The following MRPL50 variants were observed in gnomAD, a reference collection of about 807,000 sequenced individuals.
MRPL50 encodes mitochondrial ribosomal protein L50.
Under a neutral mutation model 16.2 loss-of-function variants are expected in MRPL50, and 10 were observed. The ratio of observed to expected loss-of-function variants is 0.62; its 90% CI spans 0.38 to 1.05. The LOEUF (loss-of-function observed/expected upper bound fraction) is 1.05, where lower values mean the gene tolerates loss of function less well. Ranked by LOEUF, MRPL50 falls within the 50% of genes least tolerant of loss-of-function variation. The pLI is 0.01. For synonymous variants in MRPL50, 68 were observed against 66.8 expected (o/e 1.02, Z -0.09); for missense variants, 213 against 187.1 (o/e 1.14, Z -0.81).
Position 101,389,872 on chromosome 9 carries a change from A to C in MRPL50, c.*594T>G, listed in dbSNP as rs1830246460. ...AGAGTCACAGCACTCAATATTTGGCATATATTCTAATTTTTTCAAAATTAT... is the reference window on the plus strand; with the variant it reads ...AGAGTCACAGCACTCAATATTTGGCCTATATTCTAATTTTTTCAAAATTAT... On this transcript the variant is annotated 3_prime_UTR_variant, in exon 2 of 2. Transcript: ENST00000374865. 1 of 382,938 alleles carries C rather than the reference A, an allele frequency of 2.6e-6. No individual in the cohort carries two copies. Among genetic ancestry groups the C allele is most frequent in the African/African-American group, 2.2e-5 (1 of 45,546 alleles). The allele number at this position is 382,938 out of a possible 1,614,324, so 23.7% of individuals were successfully genotyped here. A position where few individuals can be genotyped will look rare whatever the true frequency, so the allele number is the denominator to read the frequency against.
chr9:101,397,776 C>T (rs1830378263), intron 1 of MRPL50, among the ~76,000 whole-genome samples: 1 of 152,262 alleles, frequency 6.6e-6, no homozygotes, highest in South Asian at 2.1e-4. Context: ...TACATTGCTC[C>T]CTAGGGTTCC....
rs1830243558 is a variant in MRPL50 at position 101,389,644 on chromosome 9, C to T, written c.*822G>A. ...GAAAAAAAAATCCCAAATTTAACAC[C>T]TTTGTCATTCAGAACCATCTGATAA... On this transcript the variant is annotated 3_prime_UTR_variant, in exon 2 of 2. Transcript: ENST00000374865. 1 of 359,528 alleles carries T rather than the reference C, an allele frequency of 2.8e-6. No individual in the cohort carries two copies. Among genetic ancestry groups the T allele is most frequent in the Admixed American group, 4.8e-5 (1 of 20,678 alleles). 22.3% of individuals were successfully genotyped at this position (359,528 alleles called of 1,614,324 possible).
chr9:101,398,094 C>G (rs1054339137), intron 1 of MRPL50, among the ~76,000 whole-genome samples: 1 of 152,110 alleles, frequency 6.6e-6, no homozygotes, highest in Admixed American at 6.5e-5. Context: ...AATGAATGAA[C>G]AAACAAAAGG....
intron 1 of MRPL50, among the ~76,000 whole-genome samples, chr9:101,391,303 T>C (rs1830266935): frequency 6.6e-6 from 1 of 152,104 alleles, no homozygotes; most frequent in African/African-American, 2.4e-5. Context: ...TATGGAAATC[T>C]TGCTTATTCT....
At chr9:101,391,420 CAG>C (rs1160966288) in intron 1 of MRPL50, among the ~76,000 whole-genome samples, 4 of 152,058 alleles carry the variant, frequency 2.6e-5, no homozygotes, top group African/African-American at 9.7e-5. Flanking sequence ...ATACTGCTCT[CAG>C]AGTGTATCAC....
intron 1 of MRPL50, among the ~76,000 whole-genome samples, chr9:101,396,728 G>T (rs904713954): frequency 2.6e-5 from 4 of 152,108 alleles, no homozygotes; most frequent in Admixed American, 2.6e-4. Context: ...TGGATCATGA[G>T]GTCAAGAGAT....
rs1339454394 is a variant in MRPL50 at position 101,390,703 on chromosome 9, T to C, written c.240A>G (p.Ser80=). ...TGTCTTGCCAATTACTAGGAAGAGA[T>C]GAACCAAAAACTTCTTTAACGTAAG... is the stretch of plus-strand genomic sequence containing the variant. ...LESYVKEVFG[S]SLPSNWQDIS... is the part of the protein sequence containing the mutation. The change falls in exon 2 of 2, where the codon TCA becomes TCG. Residue 80 remains serine (S), a synonymous_variant. Coordinates refer to ENST00000374865, the MANE Select transcript of MRPL50 (RefSeq NM_019051.3). The C allele has an allele frequency of 8.1e-6, 13 of 1,613,130 alleles. No individual in the cohort carries two copies. Among genetic ancestry groups the C allele is most frequent in the African/African-American group, 1.3e-5 (1 of 74,872 alleles).
chr9:101,391,829 T>A (rs147821472), intron 1 of MRPL50, among the ~76,000 whole-genome samples: 3 of 152,142 alleles, frequency 2.0e-5, no homozygotes, highest in East Asian at 3.9e-4. Context: ...CCAAATGGAC[T>A]TGACACTTAG....
At chr9:101,398,431 A>G in intron 1 of MRPL50, 70 bp downstream of exon 1, 2 of 1,437,214 alleles carry the variant, frequency 1.4e-6, no homozygotes, top group Non-Finnish European at 9.8e-7. Context: ...GTAACACTCT[A>G]TTTTGAATTC....
At position 101,388,751 on chromosome 9, in the gene MRPL50, T is replaced by C. The variant is rs1324610667; in HGVS notation, c.*1715A>G. 6.6e-6 allele frequency: 1 copy of C among 152,112 alleles called. No homozygotes were observed. Among genetic ancestry groups the C allele is most frequent in the African/African-American group, 2.4e-5 (1 of 41,418 alleles). The allele number at this position is 152,112 out of a possible 1,614,324, so 9.4% of individuals were successfully genotyped here. A position where few individuals can be genotyped will look rare whatever the true frequency, so the allele number is the denominator to read the frequency against. On this transcript the variant is annotated 3_prime_UTR_variant, in exon 2 of 2. Coordinates refer to ENST00000374865, the MANE Select transcript of MRPL50 (RefSeq NM_019051.3). Reference sequence around the variant, plus strand: ...ATTTACCAAGACTGTGTGTTCCCCATCTGTGGATTCAACCAATTGTGGATC... The same window carrying C: ...ATTTACCAAGACTGTGTGTTCCCCACCTGTGGATTCAACCAATTGTGGATC...
chr9:101,394,310 C>G (rs996240608), intron 1 of MRPL50, among the ~76,000 whole-genome samples: 5 of 152,168 alleles, frequency 3.3e-5, no homozygotes, highest in Non-Finnish European at 5.9e-5. Flanking sequence ...TTGTAAAATT[C>G]AAGGTCAGTG....
Position 101,390,855 on chromosome 9 carries a change from A to T in MRPL50, c.93-5T>A, listed in dbSNP as rs1830262159. 6.3e-7 allele frequency: 1 copy of T among 1,576,266 alleles called. No homozygotes were observed. The highest frequency in any genetic ancestry group is 8.6e-7 in the Non-Finnish European group (1 of 1,166,044). ...ACCACTGGCTCTTTCTCTTTTCTGG[A>T]ATGATCAAAAACAAACAGACAAATC... On this transcript the variant is annotated splice_polypyrimidine_tract_variant and splice_region_variant and intron_variant, in intron 1 of 1. Transcript: ENST00000374865.
In MRPL50 at chr9:101,389,471, T is replaced by G; in HGVS notation, c.*995A>C. ...TTATATTCCCAACTGAATTTTGCCC[T>G]CTTCAAAGGAGTAACCCTGGGAAAG... On this transcript the variant is annotated 3_prime_UTR_variant, in exon 2 of 2. Coordinates refer to ENST00000374865, the MANE Select transcript of MRPL50 (RefSeq NM_019051.3). 1 of 1,287,538 alleles carries G rather than the reference T, an allele frequency of 7.8e-7. No individual in the cohort carries two copies. The highest frequency in any genetic ancestry group is 1.0e-6 in the Non-Finnish European group (1 of 987,560). 79.8% of individuals were successfully genotyped at this position (1,287,538 alleles called of 1,614,324 possible). A position where few individuals can be genotyped will look rare whatever the true frequency, so the allele number is the denominator to read the frequency against.
intron 1 of MRPL50, among the ~76,000 whole-genome samples, chr9:101,392,231 A>G (rs1830282892): frequency 6.6e-6 from 1 of 152,048 alleles, no homozygotes; most frequent in Non-Finnish European, 1.5e-5. Flanking sequence ...CACATAAACA[A>G]TCTAAAGATG....
At chr9:101,390,908 C>A in intron 1 of MRPL50, 58 bp from the exon 2 acceptor site, 1 of 1,509,216 alleles carries the variant, frequency 6.6e-7, no homozygotes, top group South Asian at 1.3e-5. Flanking sequence ...AACACCAGAC[C>A]AAATCTTGCC....
In MRPL50 at chr9:101,390,724, G is replaced by A. The variant is rs199503905; in HGVS notation, c.219C>T (p.Tyr73=). Residue 73 remains tyrosine (Y), a synonymous_variant, in exon 2 of 2, where the codon TAC becomes TAT. Transcript: ENST00000374865. ...GAGATGAACCAAAAACTTCTTTAAC[G>A]TAAGATTCCAAACGACTCTGGAGAT... ...PEDLQSRLES[Y]VKEVFGSSLP... is the part of the protein sequence containing the mutation. 3.1e-5 allele frequency: 41 copies of A among 1,322,576 alleles called. No homozygotes were observed. Among genetic ancestry groups the A allele is most frequent in the East Asian group, 1.6e-4 (5 of 31,420 alleles). The allele number at this position is 1,322,576 out of a possible 1,614,324, so 81.9% of individuals were successfully genotyped here.
chr9:101,398,562 T>C lies in MRPL50; in HGVS notation c.31A>G (p.Arg11Gly), dbSNP rs765492196. ...GAGACTGTCCACATGAAGACTCTTC[T>C]GGTAATGCCCGACACAGATCGCGCC... is the stretch of plus-strand genomic sequence containing the variant. MAARSVSGIT[R>G]RVFMWTVSGT... Residue 11 changes from arginine (R) to glycine (G), a missense_variant, in exon 1 of 2, where the codon AGA becomes GGA. By Grantham distance (125) the Arg-to-Gly change is moderately radical (BLOSUM62 -2). Coordinates refer to ENST00000374865, the MANE Select transcript of MRPL50 (RefSeq NM_019051.3). The C allele has an allele frequency of 3.2e-5, 51 of 1,613,944 alleles. No homozygotes were observed. In the South Asian group the frequency reaches 4.4e-4, roughly 14 times the overall value.
In MRPL50 at chr9:101,390,310, T is replaced by C; in HGVS notation, c.*156A>G. On this transcript the variant is annotated 3_prime_UTR_variant, in exon 2 of 2. Transcript: ENST00000374865. ...GTCCGTTATTTGTCCATTTGTAATA[T>C]GAGAAAAAAAAAGATGATACATTCC... 1.5e-6 allele frequency: 2 copies of C among 1,338,738 alleles called. No individual in the cohort carries two copies. The highest frequency in any genetic ancestry group is 2.3e-5 in the South Asian group (1 of 43,800). The allele number at this position is 1,338,738 out of a possible 1,614,324, so 82.9% of individuals were successfully genotyped here.
chr9:101,398,461 T>C lies in MRPL50; in HGVS notation c.92+40A>G, dbSNP rs114997577. 1.8e-3 allele frequency: 2,819 copies of C among 1,576,540 alleles called. 49 individuals carry two copies. In the African/African-American group the frequency reaches 0.034, roughly 19 times the overall value. ...GAATTCGTCCCTAATCCTCCTTAACTTTCCTTGAACATGACCCACCGTCCA... is the reference window on the plus strand; with the variant it reads ...GAATTCGTCCCTAATCCTCCTTAACCTTCCTTGAACATGACCCACCGTCCA... On this transcript the variant is annotated intron_variant, in intron 1 of 1. Transcript: ENST00000374865.
Sources: gnomAD v4.1 joint callset for allele counts (sites outside exome capture counted in the v4.1 genomes callset) on GRCh38, gnomAD v4.1.1 for gene constraint, MANE v1.5 for transcripts, NCBI Gene and HGNC (gene_info 2026-07-23, HGNC 2026-07-21) for gene names.